The following SLC1A2 variants were observed in gnomAD, a reference collection of about 807,000 sequenced individuals.
SLC1A2 encodes solute carrier family 1 member 2.
Under a neutral mutation model 48.8 loss-of-function variants are expected in SLC1A2, and 15 were observed. The observed-to-expected ratio is 0.31, with a 90% CI of 0.21 to 0.47. The LOEUF (loss-of-function observed/expected upper bound fraction) is 0.47. Among genes scored for constraint, SLC1A2 ranks in the 20% least tolerant of loss-of-function variants. The probability of loss-of-function intolerance (pLI) is 0.99; values close to 1 mark genes in which losing one functional copy is unlikely to be tolerated. For synonymous variants in SLC1A2, 279 were observed against 272.6 expected (o/e 1.02, Z -0.23); for missense variants, 502 against 730.5 (o/e 0.69, Z 3.61).
At chr11:35,296,840 G>A (rs891714601) in intron 6 of SLC1A2, among the ~76,000 whole-genome samples, 1 of 151,978 alleles carries the variant, frequency 6.6e-6, no homozygotes, top group African/African-American at 2.4e-5. Flanking sequence ...CTATTGCACG[G>A]CACTTATTAC....
At chr11:35,394,349 G>A (rs1453018084) in intron 1 of SLC1A2, among the ~76,000 whole-genome samples, 1 of 152,068 alleles carries the variant, frequency 6.6e-6, no homozygotes, top group East Asian at 1.9e-4. Context: ...ATTGCTCTGG[G>A]TGGCTGTGAT....
chr11:35,377,639 C>A (rs1181771331), intron 1 of SLC1A2, among the ~76,000 whole-genome samples: 1 of 152,106 alleles, frequency 6.6e-6, no homozygotes, highest in Non-Finnish European at 1.5e-5. Flanking sequence ...CCAAGGAAGA[C>A]TCGCAAGATG....
At chr11:35,289,969 G>C (rs986139514) in intron 7 of SLC1A2, among the ~76,000 whole-genome samples, 1 of 152,106 alleles carries the variant, frequency 6.6e-6, no homozygotes, top group Admixed American at 6.5e-5. Context: ...CAATTCACAA[G>C]GCAGGCGAAA....
At position 35,374,328 on chromosome 11, in the gene SLC1A2, G is replaced by C. The variant is rs541697982; in HGVS notation, c.17+44622C>G. The C allele has an allele frequency of 2.1e-5, 22 of 1,023,478 alleles. No homozygotes were observed. The South Asian group carries it at 2.8e-4, about 13-fold the overall frequency. The allele number at this position is 1,023,478 out of a possible 1,614,324, so 63.4% of individuals were successfully genotyped here. ...CTCTCCAGAAGAGTGGAAATGCCTG[G>C]ACCCTGCCCAGCAGAATTTAAATAG... On this transcript the variant is annotated intron_variant, in intron 1 of 10. Transcript: ENST00000278379.
At chr11:35,365,741 G>A (rs1437392184) in intron 1 of SLC1A2, among the ~76,000 whole-genome samples, 2 of 152,160 alleles carry the variant, frequency 1.3e-5, no homozygotes, top group African/African-American at 4.8e-5. Context: ...TTATATGTCT[G>A]TCTGTCTGTC....
Position 35,408,716 on chromosome 11 carries a change from T to C in SLC1A2, c.17+10234A>G, listed in dbSNP as rs1855373784. ...CCAGAGGACAAAAGGGTAAAAGTTT[T>C]TGTTAAAAATAATTTATCTGACAGT... On this transcript the variant is annotated intron_variant, in intron 1 of 10. Coordinates refer to ENST00000278379, the MANE Select transcript of SLC1A2 (RefSeq NM_004171.4). Among the ~76,000 whole-genome samples the C allele has an allele frequency of 2.6e-5, 4 of 152,368 alleles. No homozygotes were observed. The South Asian group carries it at 8.3e-4, about 32-fold the overall frequency.
At chr11:35,319,305 TG>T (rs1393278458) in intron 1 of SLC1A2, among the ~76,000 whole-genome samples, 1 of 152,222 alleles carries the variant, frequency 6.6e-6, no homozygotes, top group African/African-American at 2.4e-5. Flanking sequence ...ACCATATTTC[TG>T]TGTTTGCAGT....
intron 1 of SLC1A2, among the ~76,000 whole-genome samples, chr11:35,355,739 G>T (rs1853431959): frequency 1.3e-5 from 2 of 152,136 alleles, no homozygotes; most frequent in African/African-American, 2.4e-5. Flanking sequence ...ACAAAAATTA[G>T]CTGGGCATAG....
intron 1 of SLC1A2, among the ~76,000 whole-genome samples, chr11:35,382,651 C>T (rs995129011): frequency 2.6e-5 from 4 of 152,194 alleles, no homozygotes; most frequent in African/African-American, 7.2e-5. Flanking sequence ...CAAAAATTAG[C>T]TGGGCGTGGT....
At chr11:35,287,951 C>A (rs562761191) in intron 7 of SLC1A2, among the ~76,000 whole-genome samples, 1 of 152,134 alleles carries the variant, frequency 6.6e-6, no homozygotes, top group South Asian at 2.1e-4. Flanking sequence ...AATTAGAAAA[C>A]CTGCAATGCA....
chr11:35,268,851 C>T (rs939560523), intron 9 of SLC1A2, among the ~76,000 whole-genome samples: 2 of 152,122 alleles, frequency 1.3e-5, no homozygotes, highest in African/African-American at 4.8e-5. Context: ...CAAATGTGAA[C>T]ACAGGCGGTA....
intron 1 of SLC1A2, among the ~76,000 whole-genome samples, chr11:35,379,930 A>G (rs1590249887): frequency 6.6e-6 from 1 of 152,194 alleles, no homozygotes; most frequent in East Asian, 1.9e-4. Context: ...TATCACTAAC[A>G]ATATTTAATA....
intron 1 of SLC1A2, chr11:35,370,889 G>A (rs1854036886): frequency 4.3e-6 from 4 of 934,082 alleles, no homozygotes; most frequent in Non-Finnish European, 5.1e-6. Context: ...CCCAGGAAAA[G>A]AAAAGATGGC....
intron 1 of SLC1A2, among the ~76,000 whole-genome samples, chr11:35,411,587 C>T (rs1217326547): frequency 1.3e-5 from 2 of 152,212 alleles, no homozygotes; most frequent in Non-Finnish European, 2.9e-5. Context: ...TCCCGAATAG[C>T]TAGGACTACA....
intron 1 of SLC1A2, among the ~76,000 whole-genome samples, chr11:35,338,489 T>C (rs1446207954): frequency 6.6e-6 from 1 of 152,094 alleles, no homozygotes; most frequent in African/African-American, 2.4e-5. Context: ...TTGTGGGTGA[T>C]CATGTGGACC....
intron 1 of SLC1A2, among the ~76,000 whole-genome samples, chr11:35,342,522 TTG>T (rs1491304444): frequency 1.4e-3 from 27 of 19,220 alleles, no homozygotes; most frequent in African/African-American, 2.3e-3. Flanking sequence ...AGTGTTTTTT[TTG>T]TTGTTGTTGT....
In SLC1A2 at chr11:35,312,574, G is replaced by A. The variant is rs147659982; in HGVS notation, c.311-126C>T. ...TTAATGGTTGATTAAATCTCCTACT[G>A]TAGTCTTCCCTCAATATCCATGAGA... On this transcript the variant is annotated intron_variant, in intron 3 of 10. Transcript: ENST00000278379. 1.8e-4 allele frequency: 200 copies of A among 1,120,228 alleles called. No homozygotes were observed. In the African/African-American group the frequency reaches 2.9e-3, roughly 16 times the overall value. The allele number at this position is 1,120,228 out of a possible 1,614,324, so 69.4% of individuals were successfully genotyped here.
chr11:35,271,798 G>C (rs891072979), intron 9 of SLC1A2, among the ~76,000 whole-genome samples: 4 of 152,122 alleles, frequency 2.6e-5, no homozygotes, highest in Non-Finnish European at 5.9e-5. Flanking sequence ...AGCCATGATA[G>C]CGCCACTGCA....
chr11:35,364,311 A>T (rs536465924), intron 1 of SLC1A2, among the ~76,000 whole-genome samples: 1 of 152,204 alleles, frequency 6.6e-6, no homozygotes, highest in Non-Finnish European at 1.5e-5. Flanking sequence ...GTGATTCATC[A>T]TCTACCCATG....
Sources: gnomAD v4.1 joint callset for allele counts (sites outside exome capture counted in the v4.1 genomes callset) on GRCh38, gnomAD v4.1.1 for gene constraint, MANE v1.5 for transcripts, NCBI Gene and HGNC (gene_info 2026-07-23, HGNC 2026-07-21) for gene names.